The following ESF1 variants were observed in gnomAD, a reference collection of about 807,000 sequenced individuals.
ESF1 encodes ESF1 nucleolar pre-rRNA processing protein, also known as ESF1 homolog.
A neutral mutation model predicts 92.0 loss-of-function variants in ESF1; 58 were observed. The observed-to-expected ratio is 0.63, with a 90% CI of 0.51 to 0.78. The LOEUF (loss-of-function observed/expected upper bound fraction) is 0.78. Ranked by LOEUF, ESF1 falls within the 30% of genes least tolerant of loss-of-function variation. ESF1 has a pLI of 0.00. For missense variants in ESF1, 922 were observed against 989.1 expected (o/e 0.93, Z 0.91); for synonymous variants, 321 against 313.7 (o/e 1.02, Z -0.24).
rs1307817501 is a variant in ESF1, at chr20:13,782,893, C to T, written c.248G>A (p.Gly83Asp). 2.5e-6 allele frequency: 4 copies of T among 1,613,886 alleles called. No homozygotes were observed. The East Asian group carries it at 8.9e-5, about 36-fold the overall frequency. Residue 83 changes from glycine (G) to aspartate (D), a missense_variant, in exon 2 of 14, where the codon GGT (glycine) becomes GAT (aspartate). Gly to Asp is a moderately conservative substitution (Grantham distance 94). Transcript: ENST00000617257. ...DLSDSDSNLS[G>D]EDSKALSQKK... ...TTGACTCAATGCTTTGCTATCTTCA[C>T]CAGAGAGATTGGAATCAGAATCTGA... is the stretch of plus-strand genomic sequence containing the variant.
At chr20:13,723,767 T>C (rs2049883517) in intron 11 of ESF1, among the ~76,000 whole-genome samples, 1 of 152,240 alleles carries the variant, frequency 6.6e-6, no homozygotes, top group Non-Finnish European at 1.5e-5. Flanking sequence ...GTTTTTGTCC[T>C]GTTTAACTAC....
chr20:13,758,691 T>G (rs896573816), intron 9 of ESF1, among the ~76,000 whole-genome samples: 2 of 152,250 alleles, frequency 1.3e-5, no homozygotes, highest in Non-Finnish European at 2.9e-5. Context: ...TAGTGACTAA[T>G]ATAGGCTAAA....
chr20:13,743,496 T>C (rs1341739396), intron 9 of ESF1, among the ~76,000 whole-genome samples: 1 of 152,168 alleles, frequency 6.6e-6, no homozygotes, highest in African/African-American at 2.4e-5. Context: ...CATCAGCAGA[T>C]GAATTAATAA....
intron 11 of ESF1, among the ~76,000 whole-genome samples, chr20:13,724,083 T>C (rs758356266): frequency 6.6e-6 from 1 of 152,152 alleles, no homozygotes; most frequent in Non-Finnish European, 1.5e-5. Context: ...TCACCTGAAG[T>C]CAGGAGTTCA....
chr20:13,765,487 G>A (rs1979387590), intron 8 of ESF1, among the ~76,000 whole-genome samples: 1 of 152,206 alleles, frequency 6.6e-6, no homozygotes, highest in Non-Finnish European at 1.5e-5. Context: ...TTTGCTCTGA[G>A]ATCATTTCCT....
chr20:13,767,068 T>C (rs1979461981), intron 7 of ESF1, 144 bp from the exon 8 acceptor site: 1 of 720,468 alleles, frequency 1.4e-6, no homozygotes, highest in Non-Finnish European at 2.2e-6. Flanking sequence ...AATGATATGA[T>C]TAATAAATAG....
chr20:13,717,562 C>A (rs1568706793), intron 12 of ESF1, 48 bp from the exon 13 acceptor site: 1 of 1,600,196 alleles, frequency 6.2e-7, no homozygotes, highest in East Asian at 2.2e-5. Context: ...GCTTTTTTTT[C>A]CACCCCCAAA....
At chr20:13,736,371 C>T (rs1032300864) in intron 9 of ESF1, among the ~76,000 whole-genome samples, 14 of 152,006 alleles carry the variant, frequency 9.2e-5, no homozygotes, top group Admixed American at 4.6e-4. Flanking sequence ...AAAATCATTT[C>T]TAAAAAAAAG....
intron 8 of ESF1, among the ~76,000 whole-genome samples, chr20:13,761,632 A>T (rs1249218629): frequency 2.7e-4 from 41 of 152,106 alleles, no homozygotes; most frequent in Admixed American, 2.6e-3. Context: ...AAGCATGCTT[A>T]CTCCAACGAT....
At chr20:13,758,893 T>C (rs112968415) in intron 9 of ESF1, among the ~76,000 whole-genome samples, 5 of 152,306 alleles carry the variant, frequency 3.3e-5, no homozygotes, top group African/African-American at 1.2e-4. Flanking sequence ...ACAGTGAATG[T>C]CTGAAATCAT....
intron 8 of ESF1, among the ~76,000 whole-genome samples, chr20:13,762,667 G>C (rs1414437001): frequency 2.0e-5 from 3 of 152,128 alleles, no homozygotes; most frequent in African/African-American, 7.2e-5. Context: ...AAGCCACCCT[G>C]CTATGCTCTC....
intron 13 of ESF1, among the ~76,000 whole-genome samples, chr20:13,715,832 G>A (rs1017335497): frequency 2.6e-5 from 4 of 152,276 alleles, no homozygotes; most frequent in East Asian, 1.9e-4. Flanking sequence ...GGAAACACAC[G>A]AAATACAAGT....
chr20:13,721,691 C>T (rs2049869273), intron 11 of ESF1, among the ~76,000 whole-genome samples: 1 of 152,172 alleles, frequency 6.6e-6, no homozygotes, highest in Non-Finnish European at 1.5e-5. Flanking sequence ...GCACACCTGT[C>T]CAGTAGACAT....
At chr20:13,745,244 T>C (rs1410735367) in intron 9 of ESF1, among the ~76,000 whole-genome samples, 2 of 152,222 alleles carry the variant, frequency 1.3e-5, no homozygotes, top group African/African-American at 2.4e-5. Context: ...ATTCTACATG[T>C]ATCCAAGAAA....
rs562607468 is a variant in ESF1, at chr20:13,780,968, C to T, written c.637+1536G>A. On this transcript the variant is annotated intron_variant, in intron 2 of 13. Transcript: ENST00000617257. Reference sequence around the variant, plus strand: ...GACCTCTTCTGAACATGCCCAATCACATCTTTGCTCAAAAAGTTCTTTCCA... The same window carrying T: ...GACCTCTTCTGAACATGCCCAATCATATCTTTGCTCAAAAAGTTCTTTCCA... Among the ~76,000 whole-genome samples, 453 of 152,282 alleles carry T rather than the reference C, an allele frequency of 3.0e-3. 3 individuals carry two copies. The highest frequency in any genetic ancestry group is 0.01 in the African/African-American group (430 of 41,572).
chr20:13,784,493 G>A (rs532724416), intron 1 of ESF1, among the ~76,000 whole-genome samples: 1 of 152,234 alleles, frequency 6.6e-6, no homozygotes, highest in South Asian at 2.1e-4. Flanking sequence ...TGTTTAGAAG[G>A]AAAGCACTCA....
At position 13,759,851 on chromosome 20, in the gene ESF1, C is replaced by A; in HGVS notation, c.1669G>T (p.Asp557Tyr). Reference sequence around the variant, plus strand: ...TCTTCTTCTACATTGACTCCATCATCACCTAATGAAAAAAAAATTCACTTA... The same window carrying A: ...TCTTCTTCTACATTGACTCCATCATAACCTAATGAAAAAAAAATTCACTTA... ...EEEIEEELQG[D>Y]DGVNVEEDGK... Residue 557 changes from aspartate (D) to tyrosine (Y), a missense_variant and splice_region_variant, in exon 9 of 14, where the codon GAT becomes TAT. By Grantham distance (160) the Asp-to-Tyr change is radical. Coordinates refer to ENST00000617257, the MANE Select transcript of ESF1 (RefSeq NM_001276380.2). 1.3e-6 allele frequency: 2 copies of A among 1,584,382 alleles called. No homozygotes were observed. The highest frequency in any genetic ancestry group is 1.7e-6 in the Non-Finnish European group (2 of 1,171,742).
chr20:13,715,239 G>C (rs923036354), intron 13 of ESF1, 72 bp from the exon 14 acceptor site: 4 of 1,380,286 alleles, frequency 2.9e-6, no homozygotes, highest in Non-Finnish European at 3.8e-6. Context: ...GCCAGAAATG[G>C]GGCCAAATTT....
chr20:13,729,678 C>T (rs1850985262), intron 10 of ESF1, among the ~76,000 whole-genome samples: 1 of 152,118 alleles, frequency 6.6e-6, no homozygotes, highest in South Asian at 2.1e-4. Context: ...AAATCTAAAA[C>T]ATACACAAAA....
Sources: allele counts gnomAD v4.1 joint callset (sites outside exome capture counted in the v4.1 genomes callset), GRCh38; gene constraint gnomAD v4.1.1; transcripts MANE v1.5; gene names NCBI Gene and HGNC (gene_info 2026-07-23, HGNC 2026-07-21).